Variants in GRAP2 observed in about 807,000 individuals in gnomAD.
The protein encoded by GRAP2 is GRB2 related adaptor protein 2, also known as GRB2-related adapter protein 2.
In GRAP2, 31 loss-of-function variants were observed where a neutral mutation model predicts 43.5. That is an observed-to-expected ratio of 0.71 (90% CI 0.54 to 0.96). GRAP2 has a LOEUF of 0.96. Ranked by LOEUF, GRAP2 falls within the 40% of genes least tolerant of loss-of-function variation. GRAP2 has a pLI of 0.00. For synonymous variants in GRAP2, 156 were observed against 164.8 expected (o/e 0.95, Z 0.41); for missense variants, 371 against 424.4 (o/e 0.87, Z 1.11).
rs925997996 is a variant in GRAP2, at chr22:39,910,540, C to A, written c.-15+9210C>A. ...TCTCCTGCCTCAGCCTCCCGAGTAG[C>A]TGGGATTACAGGCGCCCGCCACCAC... is the stretch of plus-strand genomic sequence containing the variant. On this transcript the variant is annotated intron_variant, in intron 1 of 7. Transcript: ENST00000344138. Among the ~76,000 whole-genome samples, 3 of 152,002 alleles carry A rather than the reference C, an allele frequency of 2.0e-5. No homozygotes were observed. The South Asian group carries it at 6.2e-4, about 32-fold the overall frequency.
At chr22:39,938,374 G>A (rs534131707) in intron 1 of GRAP2, among the ~76,000 whole-genome samples, 10 of 152,334 alleles carry the variant, frequency 6.6e-5, no homozygotes, top group African/African-American at 1.2e-4. Context: ...GTGTCCATAC[G>A]TCTGAAAAAT....
At chr22:39,906,551 A>C (rs2066524637) in intron 1 of GRAP2, among the ~76,000 whole-genome samples, 1 of 151,884 alleles carries the variant, frequency 6.6e-6, no homozygotes, top group Admixed American at 6.6e-5. Context: ...ATAAATAAGA[A>C]AAAAAAAATC....
intron 1 of GRAP2, among the ~76,000 whole-genome samples, chr22:39,904,024 C>G (rs1433384384): frequency 2.0e-5 from 3 of 152,134 alleles, no homozygotes; most frequent in Admixed American, 6.5e-5. Context: ...TTAAAAGAAA[C>G]TATCACGAAG....
intron 1 of GRAP2, among the ~76,000 whole-genome samples, chr22:39,929,667 C>A (rs973586395): frequency 1.3e-5 from 2 of 152,152 alleles, no homozygotes; most frequent in African/African-American, 4.8e-5. Flanking sequence ...TTCAGTCCTG[C>A]TACATAATCT....
At chr22:39,967,536 T>C (rs888703501) in intron 5 of GRAP2, among the ~76,000 whole-genome samples, 13 of 152,348 alleles carry the variant, frequency 8.5e-5, no homozygotes, top group Non-Finnish European at 1.9e-4. Context: ...GCCTTACTTC[T>C]TCCCCCACGT....
intron 1 of GRAP2, among the ~76,000 whole-genome samples, chr22:39,945,894 T>G (rs779663256): frequency 1.3e-5 from 2 of 152,254 alleles, no homozygotes; most frequent in Non-Finnish European, 2.9e-5. Flanking sequence ...AGAGTCTTGC[T>G]CTGTCACCCA....
chr22:39,934,842 G>A (rs1202919547), intron 1 of GRAP2, among the ~76,000 whole-genome samples: 1 of 151,958 alleles, frequency 6.6e-6, no homozygotes, highest in Admixed American at 6.6e-5. Context: ...CTGCACTCCA[G>A]CCTGGGCAAC....
chr22:39,962,815 C>T (rs1031750000), intron 4 of GRAP2, among the ~76,000 whole-genome samples: 3 of 152,028 alleles, frequency 2.0e-5, no homozygotes, highest in Non-Finnish European at 4.4e-5. Context: ...CGCACCACCA[C>T]GCCTGGCTAA....
intron 1 of GRAP2, among the ~76,000 whole-genome samples, chr22:39,907,076 C>T (rs1226876716): frequency 1.3e-5 from 2 of 152,166 alleles, no homozygotes; most frequent in South Asian, 4.1e-4. Flanking sequence ...ATCATTAAAT[C>T]GGTAAGAATA....
At chr22:39,913,108 G>T (rs527766068) in intron 1 of GRAP2, among the ~76,000 whole-genome samples, 53 of 150,994 alleles carry the variant, frequency 3.5e-4, no homozygotes, top group Non-Finnish European at 6.8e-4. Flanking sequence ...TGGGAGAATC[G>T]CTTATACCTA....
intron 1 of GRAP2, among the ~76,000 whole-genome samples, chr22:39,909,917 A>G (rs1177380160): frequency 2.0e-5 from 3 of 152,232 alleles, no homozygotes; most frequent in Non-Finnish European, 4.4e-5. Flanking sequence ...TTTGCAAACA[A>G]CAAAGAGTCA....
chr22:39,952,875 A>T (rs767617395), intron 2 of GRAP2, among the ~76,000 whole-genome samples: 3 of 152,148 alleles, frequency 2.0e-5, no homozygotes, highest in African/African-American at 4.8e-5. Context: ...GGCTCATTTG[A>T]TCCTCACATC....
At position 39,968,077 on chromosome 22, in the gene GRAP2, G is replaced by C. The variant is rs1051439606; in HGVS notation, c.495G>C (p.Gln165His). The change falls in exon 6 of 8, where the codon CAG becomes CAC. Residue 165 changes from glutamine to histidine, a missense_variant. Physicochemically the swap from Gln to His is conservative, Grantham distance 24. Coordinates refer to ENST00000344138, the MANE Select transcript of GRAP2 (RefSeq NM_004810.4). Reference sequence around the variant, plus strand: ...GCAACAGCCTGGACCGGAGGTCCCAGGGAGGCCCACACCTCAGTGGGGCTG... The same window carrying C: ...GCAACAGCCTGGACCGGAGGTCCCACGGAGGCCCACACCTCAGTGGGGCTG... ...HRGNSLDRRS[Q>H]GGPHLSGAVG... 6.2e-7 allele frequency: 1 copy of C among 1,612,704 alleles called. No individual in the cohort carries two copies. The highest frequency in any genetic ancestry group is 8.5e-7 in the Non-Finnish European group (1 of 1,179,476).
At chr22:39,964,565 A>G in intron 4 of GRAP2, 1 of 819,172 alleles carries the variant, frequency 1.2e-6, no homozygotes, top group Non-Finnish European at 2.2e-6. Context: ...TCTGGCAAAA[A>G]ATAAGCTGTT....
intron 1 of GRAP2, among the ~76,000 whole-genome samples, chr22:39,909,641 T>C (rs2066545389): frequency 6.6e-6 from 1 of 152,022 alleles, no homozygotes; most frequent in African/African-American, 2.4e-5. Context: ...AAAAAAAACA[T>C]TGGGTCCTTT....
chr22:39,895,680 T>G, the GRAP2 span, among the ~76,000 whole-genome samples: 390 of 152,350 alleles, frequency 2.6e-3, no homozygotes, highest in Non-Finnish European at 4.2e-3. Context: ...TATGCATACA[T>G]TCTACATTAT....
At chr22:39,963,012 A>C (rs2067135532) in intron 4 of GRAP2, among the ~76,000 whole-genome samples, 2 of 152,150 alleles carry the variant, frequency 1.3e-5, no homozygotes, top group African/African-American at 4.8e-5. Flanking sequence ...TGAGTTCTAC[A>C]AAACAGTAGG....
Position 39,961,379 on chromosome 22 carries a change from G to C in GRAP2, c.290+1205G>C, listed in dbSNP as rs148499749. Among the ~76,000 whole-genome samples, 605 of 152,260 alleles carry C rather than the reference G, an allele frequency of 4.0e-3. 1 individual carries two copies. The highest frequency in any genetic ancestry group is 0.014 in the African/African-American group (564 of 41,530). On this transcript the variant is annotated intron_variant, in intron 4 of 7. Coordinates refer to ENST00000344138, the MANE Select transcript of GRAP2 (RefSeq NM_004810.4). ...TTCTGAAACCTTCCCATCTCCTTTGGTTCGAAGCACTCAGCATGCCAAGGG... is the reference window on the plus strand; with the variant it reads ...TTCTGAAACCTTCCCATCTCCTTTGCTTCGAAGCACTCAGCATGCCAAGGG...
intron 1 of GRAP2, among the ~76,000 whole-genome samples, chr22:39,939,086 G>A (rs564935300): frequency 6.6e-6 from 1 of 152,298 alleles, no homozygotes; most frequent in African/African-American, 2.4e-5. Context: ...GGCTTTTAGA[G>A]GACACTCAAA....
Sources: gnomAD v4.1 joint callset for allele counts (sites outside exome capture counted in the v4.1 genomes callset) on GRCh38, gnomAD v4.1.1 for gene constraint, MANE v1.5 for transcripts, NCBI Gene and HGNC (gene_info 2026-07-23, HGNC 2026-07-21) for gene names.